The following ADCY2 variants were observed in gnomAD, a reference collection of about 807,000 sequenced individuals.
ADCY2 encodes adenylate cyclase 2.
ADCY2 carries 31 observed loss-of-function variants against 125.2 expected under a neutral mutation model. The ratio of observed to expected loss-of-function variants is 0.25; its 90% CI spans 0.19 to 0.33. The LOEUF (loss-of-function observed/expected upper bound fraction) is 0.33, where lower values mean the gene tolerates loss of function less well. ADCY2 is among the 10% of genes least tolerant of loss of function. The probability of loss-of-function intolerance (pLI) is 1.00; values close to 1 mark genes in which losing one functional copy is unlikely to be tolerated. For missense variants in ADCY2, 904 were observed against 1,418.2 expected (o/e 0.64, Z 5.82); for synonymous variants, 512 against 548.4 (o/e 0.93, Z 0.93).
intron 3 of ADCY2, among the ~76,000 whole-genome samples, chr5:7,583,779 G>A (rs1408952950): frequency 6.6e-6 from 1 of 152,078 alleles, no homozygotes; most frequent in Non-Finnish European, 1.5e-5. Context: ...AAATAAAAAT[G>A]TGACCACATA....
At chr5:7,648,735 A>C (rs1579275346) in intron 4 of ADCY2, among the ~76,000 whole-genome samples, 1 of 152,220 alleles carries the variant, frequency 6.6e-6, no homozygotes, top group South Asian at 2.1e-4. Flanking sequence ...ATTTTGTATC[A>C]TTTAATATGA....
intron 5 of ADCY2, among the ~76,000 whole-genome samples, chr5:7,692,987 A>G (rs1431668764): frequency 6.6e-6 from 1 of 151,818 alleles, no homozygotes; most frequent in African/African-American, 2.4e-5. Flanking sequence ...AGCACAACCA[A>G]AGTTGGACTA....
Position 7,802,094 on chromosome 5 carries a change from A to C in ADCY2, c.2629-124A>C. ...GATTGGGCCGCGGCTGGGGTGGGGC[A>C]AGTGGAGTAGGCATTTGGGCGATGT... On this transcript the variant is annotated intron_variant, in intron 20 of 24. Transcript: ENST00000338316. This position sits in a 1 kb window ranked among gnomAD's most constrained non-coding sequence, Gnocchi z 4.6. The C allele has an allele frequency of 1.4e-5, 16 of 1,120,566 alleles. No homozygotes were observed. Among genetic ancestry groups the C allele is most frequent in the Non-Finnish European group, 1.9e-5 (15 of 790,302 alleles). The allele number at this position is 1,120,566 out of a possible 1,614,324, so 69.4% of individuals were successfully genotyped here.
chr5:7,638,581 A>G (rs1053156336), intron 4 of ADCY2, among the ~76,000 whole-genome samples: 1 of 152,316 alleles, frequency 6.6e-6, no homozygotes, highest in African/African-American at 2.4e-5. Flanking sequence ...CATGAGGCCA[A>G]TGTGTGTAAG....
chr5:7,480,525 C>G (rs369968252), intron 2 of ADCY2, among the ~76,000 whole-genome samples: 6 of 152,192 alleles, frequency 3.9e-5, no homozygotes, highest in African/African-American at 1.4e-4. Context: ...ACCATAGGTT[C>G]TCACTTATAA....
chr5:7,657,910 A>C (rs1415515051), intron 4 of ADCY2: 1 of 152,230 alleles, frequency 6.6e-6, no homozygotes, highest in East Asian at 1.9e-4. Context: ...GCTGTGACTG[A>C]GGAGGGAGGC....
At chr5:7,579,434 CAGAG>C (rs148732365) in intron 3 of ADCY2, among the ~76,000 whole-genome samples, 5 of 149,878 alleles carry the variant, frequency 3.3e-5, no homozygotes, top group African/African-American at 1.2e-4. Flanking sequence ...TCCACAGAGA[CAGAG>C]AGAGAGAGAG....
intron 3 of ADCY2, among the ~76,000 whole-genome samples, chr5:7,569,888 C>T (rs969520439): frequency 6.6e-6 from 1 of 152,146 alleles, no homozygotes; most frequent in African/African-American, 2.4e-5. Context: ...GTCTTCTACT[C>T]ACACGTGTAT....
chr5:7,562,385 C>T (rs1381080277), intron 3 of ADCY2, among the ~76,000 whole-genome samples: 2 of 151,990 alleles, frequency 1.3e-5, no homozygotes, highest in South Asian at 4.2e-4. Context: ...GAGTGAGCAT[C>T]CTTATAGCAT....
rs532340002 is a variant in ADCY2, at chr5:7,645,719, G to A, written c.720+19403G>A. Among the ~76,000 whole-genome samples the A allele has an allele frequency of 9.9e-5, 15 of 152,282 alleles. No individual in the cohort carries two copies. The South Asian group carries it at 3.1e-3, about 32-fold the overall frequency. Reference sequence around the variant, plus strand: ...GATAAGATGCTCCCCTTATGAGCCTGAGTCTTCACTTATTCAACAGGCTTT... The same window carrying A: ...GATAAGATGCTCCCCTTATGAGCCTAAGTCTTCACTTATTCAACAGGCTTT... On this transcript the variant is annotated intron_variant, in intron 4 of 24. Transcript: ENST00000338316.
chr5:7,790,537 G>C (rs890192329), intron 20 of ADCY2, among the ~76,000 whole-genome samples: 1 of 152,230 alleles, frequency 6.6e-6, no homozygotes, highest in African/African-American at 2.4e-5. Flanking sequence ...GACTTAACGT[G>C]AGAAACATGT....
intron 7 of ADCY2, among the ~76,000 whole-genome samples, chr5:7,704,013 A>AC (rs1256440397): frequency 8.6e-5 from 13 of 150,342 alleles, no homozygotes; most frequent in Non-Finnish European, 1.9e-4. Flanking sequence ...AAAAAAAAAA[A>AC]GTTTATTTTG....
chr5:7,571,846 G>A (rs1183555300), intron 3 of ADCY2, among the ~76,000 whole-genome samples: 1 of 152,068 alleles, frequency 6.6e-6, no homozygotes, highest in East Asian at 1.9e-4. Flanking sequence ...ATATCCATGT[G>A]TTCTCATCAT....
chr5:7,662,973 A>G (rs1210332226), intron 4 of ADCY2, among the ~76,000 whole-genome samples: 1 of 143,864 alleles, frequency 7.0e-6, no homozygotes, highest in East Asian at 2.4e-4. Context: ...CTGCTTCTTT[A>G]TGTCTGCAGT....
intron 4 of ADCY2, among the ~76,000 whole-genome samples, chr5:7,686,878 A>T (rs1208474878): frequency 1.3e-5 from 2 of 152,136 alleles, no homozygotes; most frequent in East Asian, 3.9e-4. Flanking sequence ...TTGCTTCACC[A>T]CTTTTGAGCT....
Position 7,709,075 on chromosome 5 carries a change from G to T in ADCY2, c.1402-136G>T, listed in dbSNP as rs1479684680. 5 of 815,202 alleles carry T rather than the reference G, an allele frequency of 6.1e-6. No homozygotes were observed. The highest frequency in any genetic ancestry group is 3.8e-5 in the Admixed American group (1 of 26,382). The allele number at this position is 815,202 out of a possible 1,614,324, so 50.5% of individuals were successfully genotyped here. On this transcript the variant is annotated intron_variant, in intron 9 of 24. Coordinates refer to ENST00000338316, the MANE Select transcript of ADCY2 (RefSeq NM_020546.3). This position sits in a 1 kb window ranked among gnomAD's most constrained non-coding sequence, Gnocchi z 4.4. ...AGTGTGTTCCCCAGTAACACTGAAG[G>T]AATAAGGACAGAAAACACAGAGGGC...
In ADCY2 at chr5:7,708,058, G is replaced by A. The variant is rs1167788441; in HGVS notation, c.1401+220G>A. On this transcript the variant is annotated intron_variant, in intron 9 of 24. Transcript: ENST00000338316. ...TGAAATGCACTGCTTTTCTGCAGGG[G>A]TGTTGATGCAGGTTGCTAGTTCAGG... The A allele has an allele frequency of 1.2e-5, 6 of 488,002 alleles. No individual in the cohort carries two copies. The South Asian group carries it at 1.6e-4, about 13-fold the overall frequency. The allele number at this position is 488,002 out of a possible 1,614,324, so 30.2% of individuals were successfully genotyped here. A position where few individuals can be genotyped will look rare whatever the true frequency, so the allele number is the denominator to read the frequency against.
intron 8 of ADCY2, 61 bp from the exon 9 acceptor site, chr5:7,707,645 G>C: frequency 6.3e-7 from 1 of 1,578,252 alleles, no homozygotes; most frequent in Admixed American, 1.8e-5. Flanking sequence ...TGAGCAAATA[G>C]AAACCTTTCT....
chr5:7,784,508 T>G, intron 19 of ADCY2, 59 bp downstream of exon 19: 1 of 1,196,714 alleles, frequency 8.4e-7, no homozygotes, highest in Non-Finnish European at 1.2e-6. Context: ...GTATTAATAG[T>G]GCTTTGCTGT....
Sources: allele counts gnomAD v4.1 joint callset (sites outside exome capture counted in the v4.1 genomes callset), GRCh38; gene constraint gnomAD v4.1.1; non-coding constraint Gnocchi (gnomAD v3.1); transcripts MANE v1.5; gene names NCBI Gene and HGNC (gene_info 2026-07-23, HGNC 2026-07-21).